Variants in LRFN2 observed in about 807,000 individuals in gnomAD.
The protein encoded by LRFN2 is leucine rich repeat and fibronectin type III domain containing 2, also known as leucine-rich repeat and fibronectin type-III domain-containing protein 2.
A neutral mutation model predicts 37.3 loss-of-function variants in LRFN2; 18 were observed. The observed-to-expected ratio is 0.48, with a 90% CI of 0.33 to 0.72. The LOEUF (loss-of-function observed/expected upper bound fraction) is 0.72, where lower values mean the gene tolerates loss of function less well. Among genes scored for constraint, LRFN2 ranks in the 30% least tolerant of loss-of-function variants. The pLI is 0.02. For synonymous variants in LRFN2, 556 were observed against 466.6 expected, an observed-to-expected ratio of 1.19 and a Z score of -2.47; for missense variants, 1,006 against 1,060.7, an observed-to-expected ratio of 0.95 and a Z score of 0.72.
chr6:40,392,600 G>C lies in LRFN2; in HGVS notation c.1713C>G (p.Ala571=), dbSNP rs765518454. Residue 571 remains alanine (A), a synonymous_variant, in exon 3 of 3, where the codon GCC becomes GCG. Transcript: ENST00000338305. The surrounding 1 kb of genome is among the most constrained non-coding windows in gnomAD (Gnocchi z 4.7). ...NHEAPSKMAA[A]VSNVYSQTNG... ...TGGTCTGCGAGTACACATTGCTCAC[G>C]GCCGCTGCCATCTTGCTGGGGGCCT... The C allele has an allele frequency of 6.2e-7, 1 of 1,609,236 alleles. No homozygotes were observed. Among genetic ancestry groups the C allele is most frequent in the Non-Finnish European group, 8.5e-7 (1 of 1,179,916 alleles).
At chr6:40,547,512 T>TA (rs1302279585) in intron 1 of LRFN2, among the ~76,000 whole-genome samples, 2 of 152,132 alleles carry the variant, frequency 1.3e-5, no homozygotes, top group African/African-American at 4.8e-5. Context: ...AGTTCCCCTA[T>TA]ACTGGGCATC....
At chr6:40,466,209 C>A (rs971970652) in intron 1 of LRFN2, among the ~76,000 whole-genome samples, 2 of 152,262 alleles carry the variant, frequency 1.3e-5, no homozygotes, top group Admixed American at 1.3e-4. Context: ...CATTTGGATA[C>A]TTTATGACCT....
At chr6:40,574,382 G>T (rs1767238022) in intron 1 of LRFN2, among the ~76,000 whole-genome samples, 1 of 152,166 alleles carries the variant, frequency 6.6e-6, no homozygotes, top group African/African-American at 2.4e-5. Context: ...GAACCCAGCT[G>T]TCTGACTCCC....
intron 1 of LRFN2, among the ~76,000 whole-genome samples, chr6:40,511,508 T>C (rs1765708718): frequency 6.6e-6 from 1 of 152,142 alleles, no homozygotes; most frequent in Admixed American, 6.5e-5. Context: ...AGTCACAAAC[T>C]GGTAAGCAGC....
At chr6:40,570,278 T>C (rs1023669001) in intron 1 of LRFN2, among the ~76,000 whole-genome samples, 2 of 152,190 alleles carry the variant, frequency 1.3e-5, no homozygotes, top group Non-Finnish European at 2.9e-5. Context: ...AAAATAATAA[T>C]GATAGCTAAT....
chr6:40,516,680 T>G (rs1765885683), intron 1 of LRFN2, among the ~76,000 whole-genome samples: 1 of 152,166 alleles, frequency 6.6e-6, no homozygotes, highest in South Asian at 2.1e-4. Context: ...CCGCCACAGC[T>G]ATCTCTCTCA....
intron 1 of LRFN2, among the ~76,000 whole-genome samples, chr6:40,497,958 G>T (rs1554139756): frequency 6.6e-6 from 1 of 152,166 alleles, no homozygotes; most frequent in Non-Finnish European, 1.5e-5. Flanking sequence ...GCCCTGAGAG[G>T]GAGCTGACCT....
chr6:40,523,919 T>A (rs1203381870), intron 1 of LRFN2: 4 of 151,546 alleles, frequency 2.6e-5, no homozygotes, highest in Non-Finnish European at 5.9e-5. Context: ...CAAAGCTGGG[T>A]CTTCCCAGGG....
intron 1 of LRFN2, among the ~76,000 whole-genome samples, chr6:40,455,733 G>A (rs1764221888): frequency 6.6e-6 from 1 of 152,172 alleles, no homozygotes; most frequent in South Asian, 2.1e-4. Flanking sequence ...AGGGGAGGAG[G>A]TGGGACTTGT....
At chr6:40,457,637 T>TA (rs70984171) in intron 1 of LRFN2, among the ~76,000 whole-genome samples, 4,794 of 101,294 alleles carry the variant, frequency 0.047, 207 homozygotes, top group African/African-American at 0.11. Context: ...AGACCCTGTT[T>TA]AAAAAAAAAA....
intron 2 of LRFN2, among the ~76,000 whole-genome samples, chr6:40,430,845 C>T (rs558473732): frequency 1.3e-5 from 2 of 152,220 alleles, no homozygotes; most frequent in East Asian, 1.9e-4. Context: ...ACTCAGTCAG[C>T]GCTCAATTGG....
At position 40,426,024 on chromosome 6, in the gene LRFN2, T is replaced by C. The variant is rs982460907; in HGVS notation, c.1400+5690A>G. ...GGTCACTGGTGACCTGTCAATGGCC[T>C]ATGTCCAGGTCTGGTTGGGTTCTCT... On this transcript the variant is annotated intron_variant, in intron 2 of 2. Coordinates refer to ENST00000338305, the MANE Select transcript of LRFN2 (RefSeq NM_020737.3). Among the ~76,000 whole-genome samples, 129 of 152,238 alleles carry C rather than the reference T, an allele frequency of 8.5e-4. 1 individual carries two copies. Among genetic ancestry groups the C allele is most frequent in the African/African-American group, 3.0e-3 (123 of 41,540 alleles).
intron 1 of LRFN2, among the ~76,000 whole-genome samples, chr6:40,444,349 T>C (rs148896859): frequency 1.2e-4 from 19 of 152,228 alleles, no homozygotes; most frequent in Non-Finnish European, 2.5e-4. Context: ...AAACCCACAG[T>C]CTCAAGAGCA....
intron 1 of LRFN2, among the ~76,000 whole-genome samples, chr6:40,575,499 T>C (rs2113796856): frequency 6.6e-6 from 1 of 152,298 alleles, no homozygotes; most frequent in African/African-American, 2.4e-5. Flanking sequence ...CTTCTGCCCT[T>C]GCTTGGGGGC....
At chr6:40,429,479 A>G (rs887827206) in intron 2 of LRFN2, among the ~76,000 whole-genome samples, 3 of 152,246 alleles carry the variant, frequency 2.0e-5, no homozygotes, top group African/African-American at 7.2e-5. Flanking sequence ...TATTTTCAAA[A>G]GGTCAACCTC....
Position 40,433,018 on chromosome 6 carries a change from C to A in LRFN2, c.96G>T (p.Glu32Asp). ...PKYCVCQNLS[E>D]SLGTLCPSKG... is the part of the protein sequence containing the mutation. ...TGGAGGGGCACAGGGTCCCCAGTGACTCAGACAGATTCTGGCAGACACAGT... is the reference window on the plus strand; with the variant it reads ...TGGAGGGGCACAGGGTCCCCAGTGAATCAGACAGATTCTGGCAGACACAGT... Residue 32 changes from glutamate to aspartate, a missense_variant, in exon 2 of 3, where the codon GAG (glutamate) becomes GAT (aspartate). Around this residue, in one of 4 missense-constraint regions of LRFN2, gnomAD observed 185 missense variants for 254.9 expected, o/e 0.73. Transcript: ENST00000338305. 1 of 1,603,794 alleles carries A rather than the reference C, an allele frequency of 6.2e-7. No homozygotes were observed. The highest frequency in any genetic ancestry group is 8.5e-7 in the Non-Finnish European group (1 of 1,174,732).
At chr6:40,557,166 C>T (rs1766905976) in intron 1 of LRFN2, among the ~76,000 whole-genome samples, 1 of 152,136 alleles carries the variant, frequency 6.6e-6, no homozygotes, top group Non-Finnish European at 1.5e-5. Context: ...AGAGACAGTG[C>T]CTCCTCACTC....
chr6:40,474,012 G>A (rs1365924402), intron 1 of LRFN2, among the ~76,000 whole-genome samples: 1 of 152,128 alleles, frequency 6.6e-6, no homozygotes, highest in Non-Finnish European at 1.5e-5. Flanking sequence ...GCACACAGCA[G>A]GAACACAGTC....
intron 1 of LRFN2, among the ~76,000 whole-genome samples, chr6:40,492,335 G>T (rs570859726): frequency 6.6e-6 from 1 of 152,200 alleles, no homozygotes; most frequent in South Asian, 2.1e-4. Context: ...TTCCTGCTCG[G>T]CTGTCCCCGC....
Sources: allele counts gnomAD v4.1 joint callset (sites outside exome capture counted in the v4.1 genomes callset), GRCh38; gene constraint gnomAD v4.1.1; regional missense constraint gnomAD v4.1.1; non-coding constraint Gnocchi (gnomAD v3.1); transcripts MANE v1.5; gene names NCBI Gene and HGNC (gene_info 2026-07-23, HGNC 2026-07-21).